Variants in CTNNA2 observed in about 807,000 individuals in gnomAD.
The protein encoded by CTNNA2 is catenin alpha 2, also known as catenin alpha-2.
A neutral mutation model predicts 101.0 loss-of-function variants in CTNNA2; 42 were observed. The observed-to-expected ratio is 0.42, with a 90% CI of 0.32 to 0.54. The LOEUF (loss-of-function observed/expected upper bound fraction) is 0.54. Ranked by LOEUF, CTNNA2 falls within the 20% of genes least tolerant of loss-of-function variation. The pLI is 0.14. For synonymous variants in CTNNA2, 450 were observed against 456.4 expected, an observed-to-expected ratio of 0.99 and a Z score of 0.18; for missense variants, 871 against 1,223.1, an observed-to-expected ratio of 0.71 and a Z score of 4.29.
intron 7 of CTNNA2, among the ~76,000 whole-genome samples, chr2:79,947,064 G>T (rs1032437454): frequency 6.6e-6 from 1 of 152,150 alleles, no homozygotes; most frequent in Non-Finnish European, 1.5e-5. Context: ...TTTCACAGTG[G>T]TTATATTATC....
intron 4 of CTNNA2, among the ~76,000 whole-genome samples, chr2:79,416,675 C>G (rs1678486295): frequency 6.6e-6 from 1 of 151,976 alleles, no homozygotes; most frequent in Admixed American, 6.6e-5. Flanking sequence ...TCAATAAACA[C>G]CTGGGTTAAC....
intron 2 of CTNNA2, among the ~76,000 whole-genome samples, chr2:79,283,564 G>A (rs1675463694): frequency 7.1e-6 from 1 of 141,748 alleles, no homozygotes; most frequent in African/African-American, 2.5e-5. Context: ...AGATCAGATA[G>A]TTGTAGATAT....
intron 2 of CTNNA2, among the ~76,000 whole-genome samples, chr2:79,218,339 G>A (rs1168872603): frequency 1.7e-4 from 13 of 76,616 alleles, no homozygotes; most frequent in South Asian, 4.9e-4. Context: ...GTGTGTGTGT[G>A]TGTGTGTGTG....
chr2:79,580,720 G>A (rs1415021501), intron 1 of CTNNA2, among the ~76,000 whole-genome samples: 2 of 152,154 alleles, frequency 1.3e-5, no homozygotes, highest in African/African-American at 4.8e-5. Flanking sequence ...GAAGACAAGT[G>A]ATCCTTAGTA....
intron 6 of CTNNA2, among the ~76,000 whole-genome samples, chr2:79,908,817 T>C (rs963557643): frequency 6.6e-6 from 1 of 152,218 alleles, no homozygotes; most frequent in Non-Finnish European, 1.5e-5. Flanking sequence ...AAGACTGTTA[T>C]AGCTCCTGAA....
chr2:79,930,309 AAAGAAAG>A (rs1253642304), intron 7 of CTNNA2, among the ~76,000 whole-genome samples: 7 of 90,970 alleles, frequency 7.7e-5, no homozygotes, highest in Non-Finnish European at 1.6e-4. Flanking sequence ...AGAAAGAAAG[AAAGAAAG>A]AAAGAAAGAA....
intron 7 of CTNNA2, among the ~76,000 whole-genome samples, chr2:80,200,155 A>C (rs1200115403): frequency 6.6e-6 from 1 of 152,212 alleles, no homozygotes; most frequent in Non-Finnish European, 1.5e-5. Context: ...GACCCTTGAG[A>C]AAAGAAAGAA....
intron 7 of CTNNA2, among the ~76,000 whole-genome samples, chr2:80,255,896 G>A (rs1672104310): frequency 6.6e-6 from 1 of 152,112 alleles, no homozygotes; most frequent in Non-Finnish European, 1.5e-5. Context: ...GCCTATTTAG[G>A]ACTGCACCTT....
chr2:80,368,375 G>A (rs1675128336), intron 7 of CTNNA2, among the ~76,000 whole-genome samples: 1 of 152,150 alleles, frequency 6.6e-6, no homozygotes, highest in Admixed American at 6.5e-5. Flanking sequence ...TAGGGTGCAT[G>A]TAGAGGACAG....
intron 7 of CTNNA2, among the ~76,000 whole-genome samples, chr2:80,165,933 A>G (rs1704661080): frequency 6.6e-6 from 1 of 152,188 alleles, no homozygotes; most frequent in Non-Finnish European, 1.5e-5. Context: ...TTGCTGGCCT[A>G]CATGAGGTTG....
chr2:79,956,598 G>A (rs1333102378), intron 7 of CTNNA2, among the ~76,000 whole-genome samples: 5 of 152,082 alleles, frequency 3.3e-5, no homozygotes. Context: ...AAATTCATTA[G>A]CATTAAGCTT....
chr2:79,216,884 C>T (rs1674270413), intron 2 of CTNNA2, among the ~76,000 whole-genome samples: 1 of 152,186 alleles, frequency 6.6e-6, no homozygotes, highest in Admixed American at 6.5e-5. Context: ...GGCAGGCATC[C>T]CCACGTGGTC....
Position 79,989,565 on chromosome 2 carries a change from G to A in CTNNA2, c.1056+79768G>A, listed in dbSNP as rs184495177. Among the ~76,000 whole-genome samples the A allele has an allele frequency of 2.0e-4, 30 of 152,258 alleles. 1 individual carries two copies. The East Asian group carries it at 5.8e-3, about 29-fold the overall frequency. On this transcript the variant is annotated intron_variant, in intron 7 of 18. Transcript: ENST00000402739. ...GGCAGGAAGATCATTGAGCCCAGGA[G>A]GTCAAGGCTGCAGTGTACCATGATC... is the stretch of plus-strand genomic sequence containing the variant.
At chr2:80,570,902 T>A (rs1460249372) in intron 12 of CTNNA2, among the ~76,000 whole-genome samples, 1 of 152,178 alleles carries the variant, frequency 6.6e-6, no homozygotes, top group Non-Finnish European at 1.5e-5. Flanking sequence ...CCAAACTGTA[T>A]GTCACAGCAT....
At chr2:80,093,273 C>A (rs190305101) in intron 7 of CTNNA2, among the ~76,000 whole-genome samples, 3 of 151,956 alleles carry the variant, frequency 2.0e-5, no homozygotes, top group East Asian at 3.9e-4. Context: ...TTTGTCCTTG[C>A]GATAGTTTGC....
At chr2:79,664,868 C>T (rs547665518) in intron 2 of CTNNA2, among the ~76,000 whole-genome samples, 50 of 151,788 alleles carry the variant, frequency 3.3e-4, no homozygotes, top group Non-Finnish European at 6.2e-4. Context: ...CCCGCCAACA[C>T]GCCCGGCTAA....
At chr2:80,404,575 G>A (rs1678889315) in intron 8 of CTNNA2, among the ~76,000 whole-genome samples, 1 of 152,112 alleles carries the variant, frequency 6.6e-6, no homozygotes, top group Non-Finnish European at 1.5e-5. Context: ...GGTAGGAGTT[G>A]GGGAAAGGAG....
chr2:80,602,109 A>C (rs536517031), intron 15 of CTNNA2: 2 of 152,196 alleles, frequency 1.3e-5, no homozygotes, highest in African/African-American at 4.8e-5. Flanking sequence ...TTTGGTCTCT[A>C]ATTTTATGAA....
At chr2:80,315,268 A>G (rs578112434) in intron 7 of CTNNA2, among the ~76,000 whole-genome samples, 2 of 152,314 alleles carry the variant, frequency 1.3e-5, no homozygotes, top group Non-Finnish European at 2.9e-5. Context: ...AAAATGAAAA[A>G]GGCAGCAACA....
Sources: gnomAD v4.1 joint callset for allele counts (sites outside exome capture counted in the v4.1 genomes callset) on GRCh38, gnomAD v4.1.1 for gene constraint, MANE v1.5 for transcripts, NCBI Gene and HGNC (gene_info 2026-07-23, HGNC 2026-07-21) for gene names.